The following ESR2 variants were observed in gnomAD, a reference collection of about 807,000 sequenced individuals.
ESR2 encodes the protein estrogen receptor 2, also known as estrogen receptor beta.
In ESR2, 36 loss-of-function variants were observed where a neutral mutation model predicts 49.6. The ratio of observed to expected loss-of-function variants is 0.73; its 90% CI spans 0.56 to 0.96. ESR2 has a LOEUF of 0.96. Ranked by LOEUF, ESR2 falls within the 40% of genes least tolerant of loss-of-function variation. The pLI, the probability that ESR2 is intolerant of heterozygous loss-of-function variation, is 0.00. For synonymous variants in ESR2, 320 were observed against 266.1 expected, an observed-to-expected ratio of 1.20 and a Z score of -1.97; for missense variants, 714 against 693.0, an observed-to-expected ratio of 1.03 and a Z score of -0.34.
In ESR2 at chr14:64,278,706, C is replaced by T. The variant is rs533823284; in HGVS notation, c.535+1275G>A. On this transcript the variant is annotated intron_variant, in intron 3 of 8. Transcript: ENST00000341099. The stretch of plus-strand genomic sequence containing the variant: ...TGACTTCAGCAAATCAGGGCTGGTA[C>T]GAGAGAAGGAGTGTAGCAAAGACAC... Among the ~76,000 whole-genome samples the T allele has an allele frequency of 1.4e-4, 21 of 152,106 alleles. 2 individuals are homozygous for T. The South Asian group carries it at 3.9e-3, about 29-fold the overall frequency.
rs2098731362 is a variant in ESR2 at position 64,235,147 on chromosome 14, A to G, written c.1229T>C (p.Met410Thr). 6.2e-7 allele frequency: 1 copy of G among 1,610,942 alleles called. No homozygotes were observed. Among genetic ancestry groups the G allele is most frequent in the Non-Finnish European group, 8.5e-7 (1 of 1,178,128 alleles). ...CTGGGTCGCTGTGACCAGAGGGTACATACCTGGACAAAGAATAAAAGCCAG... is the reference window on the plus strand; with the variant it reads ...CTGGGTCGCTGTGACCAGAGGGTACGTACCTGGACAAAGAATAAAAGCCAG... The part of the protein sequence containing the change: ...VKAMILLNSS[M>T]YPLVTATQDA... Residue 410 changes from methionine (M) to threonine (T), a missense_variant, in exon 8 of 9, where the codon ATG (methionine) becomes ACG (threonine). By Grantham distance (81) the Met-to-Thr change is moderately conservative. Transcript: ENST00000341099.
chr14:64,326,328 C>A (rs748260458), intron 1 of ESR2, among the ~76,000 whole-genome samples: 33 of 152,120 alleles, frequency 2.2e-4, no homozygotes, highest in Non-Finnish European at 3.7e-4. Flanking sequence ...TATACCAACT[C>A]ATACCATAAT....
At chr14:64,313,896 A>C (rs1427397707) in intron 1 of ESR2, among the ~76,000 whole-genome samples, 1 of 151,406 alleles carries the variant, frequency 6.6e-6, no homozygotes, top group African/African-American at 2.4e-5. Context: ...AAAAAAAGAA[A>C]GAAAGAAAGA....
intron 3 of ESR2, among the ~76,000 whole-genome samples, chr14:64,271,465 A>C (rs2076445121): frequency 6.6e-6 from 1 of 152,176 alleles, no homozygotes; most frequent in African/African-American, 2.4e-5. Flanking sequence ...AGCTGGGACT[A>C]CAGGCGCATG....
At chr14:64,293,219 C>A (rs2076901430) in intron 1 of ESR2, among the ~76,000 whole-genome samples, 1 of 152,182 alleles carries the variant, frequency 6.6e-6, no homozygotes, top group African/African-American at 2.4e-5. Context: ...TTCACATGTT[C>A]ACTTTTTAAA....
At chr14:64,291,398 T>C (rs2076868029) in intron 1 of ESR2, among the ~76,000 whole-genome samples, 1 of 152,178 alleles carries the variant, frequency 6.6e-6, no homozygotes, top group Non-Finnish European at 1.5e-5. Flanking sequence ...AGGCCAACTA[T>C]CCAGTTTGCT....
At chr14:64,306,324 A>T (rs1030170471) in intron 1 of ESR2, among the ~76,000 whole-genome samples, 1 of 152,212 alleles carries the variant, frequency 6.6e-6, no homozygotes, top group African/African-American at 2.4e-5. Flanking sequence ...TCTCATCTAA[A>T]TGCTTCTGCT....
At chr14:64,259,271 C>G (rs2076163627) in intron 5 of ESR2, among the ~76,000 whole-genome samples, 1 of 152,166 alleles carries the variant, frequency 6.6e-6, no homozygotes, top group African/African-American at 2.4e-5. Flanking sequence ...ACAAAAGTCC[C>G]CAAATGATAC....
chr14:64,253,506 T>C (rs2076029738), intron 6 of ESR2, among the ~76,000 whole-genome samples: 2 of 151,600 alleles, frequency 1.3e-5, no homozygotes, highest in South Asian at 4.2e-4. Flanking sequence ...AAGAATATTG[T>C]TTAATACAAC....
intron 1 of ESR2, among the ~76,000 whole-genome samples, chr14:64,285,926 AACTC>A (rs574193777): frequency 1.3e-4 from 20 of 152,314 alleles, no homozygotes; most frequent in Middle Eastern, 3.4e-3. Flanking sequence ...CTTGCACTGA[AACTC>A]AATCAATATT....
intron 5 of ESR2, among the ~76,000 whole-genome samples, chr14:64,258,892 T>C (rs762841615): frequency 6.6e-6 from 1 of 152,178 alleles, no homozygotes; most frequent in African/African-American, 2.4e-5. Context: ...ACAATGACTA[T>C]GCCAGCTAAG....
At chr14:64,330,352 C>G (rs1228137018) in intron 1 of ESR2, 2 of 151,732 alleles carry the variant, frequency 1.3e-5, no homozygotes, top group Non-Finnish European at 2.9e-5. Flanking sequence ...TCACTTGAAC[C>G]TGGGAGGCAG....
At chr14:64,264,824 A>C (rs1038577419) in intron 4 of ESR2, among the ~76,000 whole-genome samples, 2 of 151,712 alleles carry the variant, frequency 1.3e-5, no homozygotes, top group African/African-American at 2.4e-5. Flanking sequence ...CAGTAAGCCA[A>C]GATTGCACCA....
intron 1 of ESR2, among the ~76,000 whole-genome samples, chr14:64,301,948 T>C (rs1162083478): frequency 6.6e-6 from 1 of 151,804 alleles, no homozygotes; most frequent in Admixed American, 6.6e-5. Flanking sequence ...TTTGGGAAGT[T>C]TGGGCTCTGA....
rs141723215 is a variant in ESR2, at chr14:64,277,095, T to C, written c.535+2886A>G. ...CTGTCATCTGGACCAGATGAAGTGA[T>C]GAGGTCCTTCTCCCTATGTCCTCCT... On this transcript the variant is annotated intron_variant, in intron 3 of 8. Transcript: ENST00000341099. Among the ~76,000 whole-genome samples, 12 of 152,320 alleles carry C rather than the reference T, an allele frequency of 7.9e-5. 1 individual carries two copies. Among genetic ancestry groups the C allele is most frequent in the African/African-American group, 2.6e-4 (11 of 41,586 alleles).
intron 4 of ESR2, among the ~76,000 whole-genome samples, chr14:64,263,308 G>T (rs1016259744): frequency 3.3e-5 from 5 of 152,094 alleles, no homozygotes; most frequent in African/African-American, 1.2e-4. Flanking sequence ...TATAGATAAG[G>T]AGACTCATCG....
intron 8 of ESR2, 79 bp from the exon 9 acceptor site, chr14:64,233,402 G>C: frequency 7.0e-7 from 1 of 1,421,496 alleles, no homozygotes. Context: ...GGCTCTCTTT[G>C]CTCAGAGCCA....
intron 7 of ESR2, among the ~76,000 whole-genome samples, chr14:64,236,892 A>G (rs2075614626): frequency 6.6e-6 from 1 of 151,128 alleles, no homozygotes; most frequent in Non-Finnish European, 1.5e-5. Flanking sequence ...TTGTCCCCAC[A>G]CACACCCCAC....
At chr14:64,227,988 A>G, downstream of ESR2, 1 of 1,566,816 alleles carries the variant, frequency 6.4e-7, no homozygotes, top group African/African-American at 1.3e-5. Flanking sequence ...TATCCAAATA[A>G]TCGATGCACT....
Sources: allele counts gnomAD v4.1 joint callset (sites outside exome capture counted in the v4.1 genomes callset), GRCh38; gene constraint gnomAD v4.1.1; transcripts MANE v1.5; gene names NCBI Gene and HGNC (gene_info 2026-07-23, HGNC 2026-07-21).